The following GRID2 variants were observed in gnomAD, a reference collection of about 807,000 sequenced individuals.
GRID2 encodes glutamate receptor ionotropic, delta-2.
GRID2 carries 33 observed loss-of-function variants against 114.8 expected under a neutral mutation model. That is an observed-to-expected ratio of 0.29 (90% CI 0.22 to 0.38). GRID2 has a LOEUF of 0.38. Ranked by LOEUF, GRID2 falls within the 10% of genes least tolerant of loss-of-function variation. The probability of loss-of-function intolerance (pLI) is 1.00; values close to 1 mark genes in which losing one functional copy is unlikely to be tolerated. For missense variants in GRID2, 1,184 were observed against 1,257.7 expected, an observed-to-expected ratio of 0.94 and a Z score of 0.89; for synonymous variants, 505 against 449.9, an observed-to-expected ratio of 1.12 and a Z score of -1.55.
chr4:93,588,438 T>C (rs1737764751), intron 13 of GRID2, among the ~76,000 whole-genome samples: 1 of 152,166 alleles, frequency 6.6e-6, no homozygotes, highest in Non-Finnish European at 1.5e-5. Flanking sequence ...TATAAGCCAA[T>C]GCAAACAGTC....
chr4:93,615,058 GTT>G (rs1274192863), intron 13 of GRID2, among the ~76,000 whole-genome samples: 1 of 152,116 alleles, frequency 6.6e-6, no homozygotes, highest in Admixed American at 6.5e-5. Flanking sequence ...CCTGCATTAC[GTT>G]GATTCTGGTG....
intron 2 of GRID2, among the ~76,000 whole-genome samples, chr4:92,789,594 GT>G (rs1013915344): frequency 6.6e-6 from 1 of 151,578 alleles, no homozygotes; most frequent in African/African-American, 2.4e-5. Flanking sequence ...ACATTTCTGT[GT>G]TTGTTATTTC....
chr4:92,932,814 T>G (rs1357025282), intron 2 of GRID2, among the ~76,000 whole-genome samples: 1 of 151,336 alleles, frequency 6.6e-6, no homozygotes, highest in Non-Finnish European at 1.5e-5. Flanking sequence ...ATATAAAAAG[T>G]ATATATCATA....
chr4:92,979,450 T>C (rs1433625336), intron 2 of GRID2, among the ~76,000 whole-genome samples: 1 of 152,094 alleles, frequency 6.6e-6, no homozygotes, highest in Non-Finnish European at 1.5e-5. Context: ...GGTAGGCATG[T>C]AAAATCTCAG....
intron 8 of GRID2, among the ~76,000 whole-genome samples, chr4:93,389,585 G>A (rs767113442): frequency 6.6e-6 from 1 of 152,140 alleles, no homozygotes; most frequent in Non-Finnish European, 1.5e-5. Context: ...AGAGCTAGGA[G>A]TACAACTGTG....
At chr4:92,478,904 G>A (rs1722447597) in intron 1 of GRID2, among the ~76,000 whole-genome samples, 1 of 152,014 alleles carries the variant, frequency 6.6e-6, no homozygotes, top group African/African-American at 2.4e-5. Flanking sequence ...ATTCTTTGCG[G>A]GGGTAAAATG....
intron 2 of GRID2, among the ~76,000 whole-genome samples, chr4:92,602,263 C>T (rs1375424031): frequency 2.7e-5 from 4 of 150,538 alleles, no homozygotes; most frequent in Non-Finnish European, 5.9e-5. Flanking sequence ...GAAAAAGCTT[C>T]AGGCCAGTAT....
At chr4:93,181,061 C>T (rs1051559907) in intron 4 of GRID2, among the ~76,000 whole-genome samples, 5 of 152,106 alleles carry the variant, frequency 3.3e-5, no homozygotes, top group Non-Finnish European at 7.4e-5. Context: ...AGAAGAATCA[C>T]CTATTTATGG....
At position 92,696,620 on chromosome 4, in the gene GRID2, A is replaced by G. The variant is rs1042236864; in HGVS notation, c.244+106334A>G. Among the ~76,000 whole-genome samples, 10 of 152,154 alleles carry G rather than the reference A, an allele frequency of 6.6e-5. No homozygotes were observed. In the South Asian group the frequency reaches 1.4e-3, roughly 22 times the overall value. ...ACCCAAATTTGAGCCAGAATCGTAT[A>G]TCCATATTGCTGTGAACAACCGCAG... On this transcript the variant is annotated intron_variant, in intron 2 of 15. Coordinates refer to ENST00000282020, the MANE Select transcript of GRID2 (RefSeq NM_001510.4).
intron 6 of GRID2, among the ~76,000 whole-genome samples, chr4:93,223,243 G>A (rs757163373): frequency 6.6e-6 from 1 of 152,064 alleles, no homozygotes; most frequent in Non-Finnish European, 1.5e-5. Context: ...GGGATAGGGA[G>A]TGAAAATAGC....
At chr4:92,794,780 A>G in intron 2 of GRID2, among the ~76,000 whole-genome samples, 1 of 150,854 alleles carries the variant, frequency 6.6e-6, no homozygotes, top group Non-Finnish European at 1.5e-5. Flanking sequence ...AAATCCATGT[A>G]TAAATTTTGA....
intron 4 of GRID2, among the ~76,000 whole-genome samples, chr4:93,120,939 C>T (rs1220907252): frequency 2.6e-5 from 4 of 151,846 alleles, no homozygotes; most frequent in Admixed American, 1.3e-4. Context: ...GGCGACAGTG[C>T]GAGACTCTGT....
At chr4:92,566,057 C>T (rs1055774563) in intron 1 of GRID2, among the ~76,000 whole-genome samples, 5 of 151,896 alleles carry the variant, frequency 3.3e-5, no homozygotes, top group African/African-American at 1.2e-4. Flanking sequence ...ATGTGTTCTT[C>T]GCTGACCGTT....
chr4:92,593,698 C>A (rs1389693548), intron 2 of GRID2, among the ~76,000 whole-genome samples: 1 of 151,742 alleles, frequency 6.6e-6, no homozygotes, highest in Non-Finnish European at 1.5e-5. Flanking sequence ...CAAAAGTTAT[C>A]TGGAAATAAA....
intron 14 of GRID2, among the ~76,000 whole-genome samples, chr4:93,732,734 A>G (rs919790097): frequency 1.2e-4 from 19 of 152,154 alleles, no homozygotes; most frequent in African/African-American, 4.1e-4. Flanking sequence ...TGGACCTCTT[A>G]TAACCATGGC....
intron 8 of GRID2, among the ~76,000 whole-genome samples, chr4:93,348,298 A>G (rs1253930982): frequency 2.0e-5 from 3 of 152,184 alleles, no homozygotes; most frequent in African/African-American, 7.2e-5. Context: ...TATCTGTTTA[A>G]TTCTATTCTA....
At position 93,374,782 on chromosome 4, in the gene GRID2, C is replaced by T. The variant is rs372507287; in HGVS notation, c.1246-20825C>T. On this transcript the variant is annotated intron_variant, in intron 8 of 15. Coordinates refer to ENST00000282020, the MANE Select transcript of GRID2 (RefSeq NM_001510.4). ...TTCCTCACAACTATATGAAAGAGAACGAAGGAAGGTGTGTGGTTAGGAGTT... is the reference window on the plus strand; with the variant it reads ...TTCCTCACAACTATATGAAAGAGAATGAAGGAAGGTGTGTGGTTAGGAGTT... 7.9e-5 allele frequency among the ~76,000 whole-genome samples: 12 copies of T among 152,054 alleles called. 1 individual carries two copies. The highest frequency in any genetic ancestry group is 3.9e-4 in the East Asian group (2 of 5,162).
intron 8 of GRID2, among the ~76,000 whole-genome samples, chr4:93,367,376 T>C (rs1329006133): frequency 6.6e-6 from 1 of 151,970 alleles, no homozygotes; most frequent in Non-Finnish European, 1.5e-5. Flanking sequence ...ATACATTTTT[T>C]CCCCAATCTA....
chr4:92,469,198 T>C (rs571510530), intron 1 of GRID2, among the ~76,000 whole-genome samples: 1 of 152,270 alleles, frequency 6.6e-6, no homozygotes, highest in African/African-American at 2.4e-5. Flanking sequence ...TTTTTGGAAT[T>C]ATTTTTTTCT....
Sources: gnomAD v4.1 joint callset for allele counts (sites outside exome capture counted in the v4.1 genomes callset) on GRCh38, gnomAD v4.1.1 for gene constraint, MANE v1.5 for transcripts, NCBI Gene and HGNC (gene_info 2026-07-23, HGNC 2026-07-21) for gene names.